HMOX1: variants seen among roughly 807,000 people sequenced by gnomAD.
The protein encoded by HMOX1 is heme oxygenase 1.
HMOX1 carries 22 observed loss-of-function variants against 27.8 expected under a neutral mutation model. The ratio of observed to expected loss-of-function variants is 0.79; its 90% CI spans 0.57 to 1.13. The LOEUF is 1.13. Ranked by LOEUF, HMOX1 falls within the 50% of genes most tolerant of loss-of-function variation. The pLI is 0.00. For synonymous variants in HMOX1, 153 were observed against 151.6 expected, an observed-to-expected ratio of 1.01 and a Z score of -0.07; for missense variants, 379 against 377.7, an observed-to-expected ratio of 1.00 and a Z score of -0.03.
rs1213056838 is a variant in HMOX1 at position 35,387,910 on chromosome 22, C to T, written c.636+734C>T. Among the ~76,000 whole-genome samples the T allele has an allele frequency of 2.6e-5, 4 of 152,326 alleles. No homozygotes were observed. In the East Asian group the frequency reaches 7.7e-4, roughly 29 times the overall value. On this transcript the variant is annotated intron_variant, in intron 3 of 4. Coordinates refer to ENST00000216117, the MANE Select transcript of HMOX1 (RefSeq NM_002133.3). ...CAAGGCCTTTCCCTTCCACCCTCCC[C>T]CTTCAGAAAATCCAGTCCGTCTTGG...
chr22:35,382,760 C>G (rs9619538), intron 1 of HMOX1, among the ~76,000 whole-genome samples: 24,189 of 151,514 alleles, frequency 0.16, 4,132 homozygotes, highest in African/African-American at 0.43. Flanking sequence ...CCTCTGCCTC[C>G]GGGATTCAAG....
At chr22:35,389,589 T>G (rs1248941951) in intron 3 of HMOX1, among the ~76,000 whole-genome samples, 1 of 151,178 alleles carries the variant, frequency 6.6e-6, no homozygotes, top group African/African-American at 2.4e-5. Flanking sequence ...ATTACAGGCA[T>G]GCACCACCAC....
chr22:35,387,327 C>A, intron 3 of HMOX1, 151 bp downstream of exon 3: 1 of 841,462 alleles, frequency 1.2e-6, no homozygotes, highest in Non-Finnish European at 2.0e-6. Context: ...TGATCTTGGG[C>A]AAATGCCTTC....
Position 35,386,893 on chromosome 22 carries a change from T to C in HMOX1, c.353T>C (p.Leu118Pro). Reference sequence around the variant, plus strand: ...GCCATGCAGCGCTATGTGAAGCGGCTCCACGAGGTGGGGCGCACAGAGCCC... The same window carrying C: ...GCCATGCAGCGCTATGTGAAGCGGCCCCACGAGGTGGGGCGCACAGAGCCC... ...TPAMQRYVKR[L>P]HEVGRTEPEL... Residue 118 changes from leucine to proline, a missense_variant, in exon 3 of 5, where the codon CTC becomes CCC. Coordinates refer to ENST00000216117, the MANE Select transcript of HMOX1 (RefSeq NM_002133.3). 1.9e-6 allele frequency: 3 copies of C among 1,614,054 alleles called. No homozygotes were observed. The highest frequency in any genetic ancestry group is 1.7e-6 in the Non-Finnish European group (2 of 1,180,004).
intron 1 of HMOX1, 21 bp downstream of exon 1, chr22:35,381,217 G>T: frequency 6.5e-7 from 1 of 1,544,920 alleles, no homozygotes; most frequent in East Asian, 2.4e-5. Flanking sequence ...GGCGCGGGAC[G>T]CGGGACGGGC....
intron 4 of HMOX1, among the ~76,000 whole-genome samples, chr22:35,391,656 C>T (rs545267194): frequency 3.2e-4 from 42 of 132,672 alleles, no homozygotes; most frequent in African/African-American, 1.2e-3. Flanking sequence ...TGTAGTGGCA[C>T]AATCACAGCT....
rs370408652 is a variant in HMOX1, at chr22:35,386,936, C to T, written c.396C>T (p.His132=). 3.7e-5 allele frequency: 59 copies of T among 1,614,092 alleles called. 1 individual carries two copies. The highest frequency in any genetic ancestry group is 4.1e-5 in the Non-Finnish European group (48 of 1,180,042). ...CAGAGCCCGAGCTGCTGGTGGCCCACGCCTACACCCGCTACCTGGGTGACC... is the reference window on the plus strand; with the variant it reads ...CAGAGCCCGAGCTGCTGGTGGCCCATGCCTACACCCGCTACCTGGGTGACC... ...GRTEPELLVA[H]AYTRYLGDLS... is the part of the protein sequence containing the mutation. Residue 132 remains histidine, a synonymous_variant, in exon 3 of 5, where the codon CAC becomes CAT. Coordinates refer to ENST00000216117, the MANE Select transcript of HMOX1 (RefSeq NM_002133.3).
Position 35,381,102 on chromosome 22 carries a change from T to G in HMOX1, c.-72T>G. ...GGCCGCGGCTCCGGCAGTCAACGCC[T>G]GCCTCCTCTCGAGCGTCCTCAGCGC... On this transcript the variant is annotated 5_prime_UTR_variant, in exon 1 of 5. Coordinates refer to ENST00000216117, the MANE Select transcript of HMOX1 (RefSeq NM_002133.3). 1 of 1,526,612 alleles carries G rather than the reference T, an allele frequency of 6.6e-7. No individual in the cohort carries two copies. Among genetic ancestry groups the G allele is most frequent in the Admixed American group, 2.0e-5 (1 of 50,894 alleles). 94.6% of individuals were successfully genotyped at this position (1,526,612 alleles called of 1,614,324 possible). A position where few individuals can be genotyped will look rare whatever the true frequency, so the allele number is the denominator to read the frequency against.
intron 1 of HMOX1, 154 bp downstream of exon 1, chr22:35,381,350 C>T (rs1171481274): frequency 3.5e-6 from 3 of 848,330 alleles, no homozygotes; most frequent in Non-Finnish European, 5.5e-6. Context: ...CTGATCCTGC[C>T]TGTGCCCGTA....
chr22:35,390,412 A>G (rs1340947942), intron 4 of HMOX1: 2 of 258,086 alleles, frequency 7.7e-6, no homozygotes, highest in Non-Finnish European at 1.5e-5. Flanking sequence ...TATGTTTAGT[A>G]GAGATGGGGT....
intron 1 of HMOX1, among the ~76,000 whole-genome samples, chr22:35,382,274 A>G (rs9622192): frequency 6.6e-6 from 1 of 152,030 alleles, no homozygotes; most frequent in African/African-American, 2.4e-5. Context: ...ATGACTGAAG[A>G]GTGTTTACAA....
rs1931792523 is a variant in HMOX1, at chr22:35,393,865, G to A, written c.*267G>A. 4.4e-6 allele frequency: 2 copies of A among 459,236 alleles called. No homozygotes were observed. Among genetic ancestry groups the A allele is most frequent in the Non-Finnish European group, 8.1e-6 (2 of 247,590 alleles). 28.4% of individuals were successfully genotyped at this position (459,236 alleles called of 1,614,324 possible). On this transcript the variant is annotated 3_prime_UTR_variant, in exon 5 of 5. Coordinates refer to ENST00000216117, the MANE Select transcript of HMOX1 (RefSeq NM_002133.3). Reference sequence around the variant, plus strand: ...TTCAGCATCCTCAGTTCCTGCAGCAGAGCCTGGAAGACACCCTAATGTGGC... The same window carrying A: ...TTCAGCATCCTCAGTTCCTGCAGCAAAGCCTGGAAGACACCCTAATGTGGC...
At chr22:35,383,481 G>A (rs1003195358) in intron 2 of HMOX1, among the ~76,000 whole-genome samples, 5 of 152,206 alleles carry the variant, frequency 3.3e-5, no homozygotes, top group Admixed American at 6.5e-5. Context: ...CCGGTTCCAT[G>A]TTGGGCATTT....
intron 3 of HMOX1, among the ~76,000 whole-genome samples, chr22:35,387,449 G>A (rs1021730984): frequency 8.5e-5 from 13 of 152,256 alleles, no homozygotes; most frequent in Non-Finnish European, 1.8e-4. Flanking sequence ...CCACAGCAGT[G>A]TCTGGCACAG....
chr22:35,385,560 C>T (rs1931480980), intron 2 of HMOX1, among the ~76,000 whole-genome samples: 1 of 151,056 alleles, frequency 6.6e-6, no homozygotes, highest in Non-Finnish European at 1.5e-5. Flanking sequence ...CTGCCTCCGC[C>T]TCTGGAGTAG....
Position 35,393,518 on chromosome 22 carries a change from T to A in HMOX1, c.787T>A (p.Ser263Thr). The A allele has an allele frequency of 6.2e-7, 1 of 1,614,136 alleles. No homozygotes were observed. Among genetic ancestry groups the A allele is most frequent in the Non-Finnish European group, 8.5e-7 (1 of 1,180,026 alleles). The change falls in exon 5 of 5, where the codon TCC (serine) becomes ACC (threonine). Residue 263 changes from serine to threonine, a missense_variant. Ser to Thr is a moderately conservative substitution (Grantham distance 58). Coordinates refer to ENST00000216117, the MANE Select transcript of HMOX1 (RefSeq NM_002133.3). ...AGGGAAGCCCCCACTCAACACCCGC[T>A]CCCAGGCTCCGCTTCTCCGATGGGT... ...PRGKPPLNTRSQAPLLRWVLT... is the reference protein window; with the variant it reads ...PRGKPPLNTRTQAPLLRWVLT...
At chr22:35,385,439 T>TC in intron 2 of HMOX1, among the ~76,000 whole-genome samples, 1 of 151,044 alleles carries the variant, frequency 6.6e-6, no homozygotes, top group African/African-American at 2.4e-5. Flanking sequence ...TTGGATTTTT[T>TC]TTTTTTTTTT....
rs1462350948 is a variant in HMOX1, at chr22:35,389,307, C to CTT, written c.637-555_637-554dup. On this transcript the variant is annotated intron_variant, in intron 3 of 4. Transcript: ENST00000216117. ...TCTCTCTCTTCTTTCTTCTTTCTTT[C>CTT]TTTCTTTCTTTCTTCTTTCTTTCTT... 2.7e-5 allele frequency among the ~76,000 whole-genome samples: 3 copies of CTT among 110,960 alleles called. 1 individual carries two copies. Among genetic ancestry groups the CTT allele is most frequent in the African/African-American group, 9.5e-5 (2 of 21,102 alleles). 72.8% of individuals were successfully genotyped at this position (110,960 alleles called of 152,430 possible). A position where few individuals can be genotyped will look rare whatever the true frequency, so the allele number is the denominator to read the frequency against.
Position 35,382,274 on chromosome 22 carries a change from A to T in HMOX1, c.24-832A>T, listed in dbSNP as rs9622192. On this transcript the variant is annotated intron_variant, in intron 1 of 4. Transcript: ENST00000216117. ...TTATTTAGTGTTTTAATGACTGAAG[A>T]GTGTTTACAAAGCTGCGAGAGCCAC... Among the ~76,000 whole-genome samples, 504 of 152,144 alleles carry T rather than the reference A, an allele frequency of 3.3e-3. 2 individuals carry two copies. The highest frequency in any genetic ancestry group is 0.011 in the African/African-American group (474 of 41,488).
Sources: gnomAD v4.1 joint callset for allele counts (sites outside exome capture counted in the v4.1 genomes callset) on GRCh38, gnomAD v4.1.1 for gene constraint, MANE v1.5 for transcripts, NCBI Gene and HGNC (gene_info 2026-07-23, HGNC 2026-07-21) for gene names.